The following IFNAR2 variants were observed in gnomAD, a reference collection of about 807,000 sequenced individuals.
IFNAR2 encodes interferon alpha and beta receptor subunit 2.
Under a neutral mutation model 49.4 loss-of-function variants are expected in IFNAR2, and 30 were observed. The observed-to-expected ratio is 0.61, with a 90% confidence interval of 0.45 to 0.82. IFNAR2 has a LOEUF of 0.82. Among genes scored for constraint, IFNAR2 ranks in the 40% least tolerant of loss-of-function variants. IFNAR2 has a pLI of 0.00. For missense variants in IFNAR2, 600 were observed against 622.7 expected, an observed-to-expected ratio of 0.96 and a Z score of 0.39; for synonymous variants, 224 against 234.5, an observed-to-expected ratio of 0.96 and a Z score of 0.41.
chr21:33,255,292 G>A (rs1988131609), intron 7 of IFNAR2, among the ~76,000 whole-genome samples: 1 of 152,130 alleles, frequency 6.6e-6, no homozygotes, highest in Non-Finnish European at 1.5e-5. Flanking sequence ...CCCCAGGTTA[G>A]CACAGACCCC....
intron 1 of IFNAR2, chr21:33,236,997 C>T (rs1986510257): frequency 1.9e-6 from 1 of 531,954 alleles, no homozygotes; most frequent in Non-Finnish European, 2.4e-6. Context: ...ATCTGGTAAT[C>T]AGGCATATGG....
chr21:33,243,599 CAGACTT>C (rs1420147158), intron 2 of IFNAR2, 68 bp from the exon 3 acceptor site: 32 of 1,288,632 alleles, frequency 2.5e-5, no homozygotes, highest in East Asian at 4.6e-5. Flanking sequence ...TAAAGAATGT[CAGACTT>C]AGAGTAATCA....
chr21:33,252,556 G>A, intron 6 of IFNAR2, 106 bp from the exon 7 acceptor site: 2 of 1,473,082 alleles, frequency 1.4e-6, no homozygotes, highest in Non-Finnish European at 1.8e-6. Flanking sequence ...CCAAGCCTGT[G>A]ATAAATCTAA....
At chr21:33,260,457 G>A (rs1988485696) in intron 7 of IFNAR2, 140 bp from the exon 8 acceptor site, 2 of 654,364 alleles carry the variant, frequency 3.1e-6, no homozygotes, top group African/African-American at 1.9e-5. Flanking sequence ...CCAGTCTCTG[G>A]TATTTCTCAA....
chr21:33,242,583 A>C (rs1049301441), intron 2 of IFNAR2, among the ~76,000 whole-genome samples: 6 of 151,104 alleles, frequency 4.0e-5, no homozygotes, highest in African/African-American at 1.5e-4. Context: ...AATACAAAAA[A>C]TTAGGCGGGC....
chr21:33,258,351 C>G (rs1207304185), intron 7 of IFNAR2, among the ~76,000 whole-genome samples: 2 of 152,070 alleles, frequency 1.3e-5, no homozygotes, highest in Non-Finnish European at 2.9e-5. Flanking sequence ...GGAGCTCTCA[C>G]AGCAGCAGCA....
At chr21:33,231,801 G>A in intron 1 of IFNAR2, 1 of 449,936 alleles carries the variant, frequency 2.2e-6, no homozygotes, top group Non-Finnish European at 2.9e-6. Context: ...GAGTGCAGTG[G>A]CACTGTCTTG....
rs757175174 is a variant in IFNAR2, at chr21:33,246,868, C to T, written c.372C>T (p.His124=). The T allele has an allele frequency of 1.2e-6, 2 of 1,613,956 alleles. No individual in the cohort carries two copies. Among genetic ancestry groups the T allele is most frequent in the Non-Finnish European group, 1.7e-6 (2 of 1,179,954 alleles). ...ACACAACGTTGTTCAGTTGCTCACA[C>T]AATTTCTGGCTGGCCATAGACAGTG... ...SGNTTLFSCS[H]NFWLAIDMSF... Residue 124 remains histidine (H), a synonymous_variant, in exon 5 of 9, where the codon CAC becomes CAT. Transcript: ENST00000342136.
chr21:33,253,881 T>G (rs1488013941), intron 7 of IFNAR2, among the ~76,000 whole-genome samples: 2 of 152,136 alleles, frequency 1.3e-5, no homozygotes, highest in African/African-American at 4.8e-5. Context: ...GCCATCTGTT[T>G]TATCAGCAAG....
At chr21:33,234,918 A>G (rs6517152) in intron 1 of IFNAR2, 111,662 of 158,284 alleles carry the variant, frequency 0.71, 39,817 homozygotes, top group African/African-American at 0.82. Context: ...CTGCTCCACT[A>G]AGTATACTTA....
At chr21:33,260,961 G>A (rs972035204) in intron 8 of IFNAR2, among the ~76,000 whole-genome samples, 4 of 150,970 alleles carry the variant, frequency 2.6e-5, no homozygotes, top group African/African-American at 9.8e-5. Flanking sequence ...TGCACAGTGT[G>A]CAGGTTAGTT....
chr21:33,255,113 G>A (rs372458550), intron 7 of IFNAR2, among the ~76,000 whole-genome samples: 2 of 152,280 alleles, frequency 1.3e-5, no homozygotes, highest in South Asian at 2.1e-4. Flanking sequence ...CACCTTTAGC[G>A]TAAGTTATTT....
At chr21:33,255,925 G>A (rs1364539779) in intron 7 of IFNAR2, among the ~76,000 whole-genome samples, 2 of 152,140 alleles carry the variant, frequency 1.3e-5, no homozygotes, top group Non-Finnish European at 2.9e-5. Flanking sequence ...CACTCCTAAC[G>A]TTCAGGAAAT....
Position 33,241,958 on chromosome 21 carries a change from A to G in IFNAR2, c.36A>G (p.Ser12=), listed in dbSNP as rs780623117. The G allele has an allele frequency of 8.1e-6, 13 of 1,612,890 alleles. No homozygotes were observed. In the South Asian group the frequency reaches 1.2e-4, roughly 15 times the overall value. Residue 12 remains serine, a synonymous_variant, in exon 2 of 9, where the codon TCA becomes TCG. Coordinates refer to ENST00000342136, the MANE Select transcript of IFNAR2 (RefSeq NM_001289125.3). ...GCCAGAATGCCTTCATCTTCAGATC[A>G]CTTAATTTGGTTCTCATGGGTAAGT... ...LLSQNAFIFR[S]LNLVLMVYIS...
Position 33,230,057 on chromosome 21 carries a change from C to A in IFNAR2, c.-243C>A. On this transcript the variant is annotated 5_prime_UTR_variant, in exon 1 of 9. Coordinates refer to ENST00000342136, the MANE Select transcript of IFNAR2 (RefSeq NM_001289125.3). This position sits in a 1 kb window ranked among gnomAD's most constrained non-coding sequence, Gnocchi z 5.5. ...TCCCCGAGCGCAGCCCGCGGACCAC[C>A]ACCCGGCCGCACGGGCCGCTTTTGT... is the stretch of plus-strand genomic sequence containing the variant. The A allele has an allele frequency of 2.0e-6, 2 of 986,878 alleles. No homozygotes were observed. The highest frequency in any genetic ancestry group is 1.7e-5 in the African/African-American group (1 of 57,340). 61.1% of individuals were successfully genotyped at this position (986,878 alleles called of 1,614,324 possible). A position where few individuals can be genotyped will look rare whatever the true frequency, so the allele number is the denominator to read the frequency against.
intron 1 of IFNAR2, among the ~76,000 whole-genome samples, chr21:33,237,290 G>A (rs1220301420): frequency 6.6e-6 from 1 of 152,078 alleles, no homozygotes; most frequent in Non-Finnish European, 1.5e-5. Flanking sequence ...CAAGCCCTTT[G>A]TGGGGCTGAG....
Position 33,246,955 on chromosome 21 carries a change from A to G in IFNAR2, c.394+65A>G, listed in dbSNP as rs1014839560. 5.0e-6 allele frequency: 7 copies of G among 1,393,782 alleles called. No homozygotes were observed. The South Asian group carries it at 6.2e-5, about 12-fold the overall frequency. 86.3% of individuals were successfully genotyped at this position (1,393,782 alleles called of 1,614,324 possible). A position where few individuals can be genotyped will look rare whatever the true frequency, so the allele number is the denominator to read the frequency against. On this transcript the variant is annotated intron_variant, in intron 5 of 8. Coordinates refer to ENST00000342136, the MANE Select transcript of IFNAR2 (RefSeq NM_001289125.3). ...CAAGATCTTTATTATTTGCTATTCC[A>G]TGAAATAGGAGGTCTACAAAGGTGT...
chr21:33,254,752 G>T (rs989195799), intron 7 of IFNAR2, among the ~76,000 whole-genome samples: 4 of 152,094 alleles, frequency 2.6e-5, no homozygotes, highest in Non-Finnish European at 5.9e-5. Flanking sequence ...TTTCCAGATT[G>T]AACCAGTGTA....
In IFNAR2 at chr21:33,254,045, A is replaced by G. The variant is rs1400099149; in HGVS notation, c.709+1215A>G. Among the ~76,000 whole-genome samples the G allele has an allele frequency of 2.0e-5, 3 of 152,156 alleles. No individual in the cohort carries two copies. In the East Asian group the frequency reaches 5.8e-4, roughly 29 times the overall value. On this transcript the variant is annotated intron_variant, in intron 7 of 8. Coordinates refer to ENST00000342136, the MANE Select transcript of IFNAR2 (RefSeq NM_001289125.3). ...GCTCAAATGCCTCTGACACCAATGG[A>G]AGTATCTTTAATGTTCTGATTTACC...
Sources: gnomAD v4.1 joint callset for allele counts (sites outside exome capture counted in the v4.1 genomes callset) on GRCh38, gnomAD v4.1.1 for gene constraint, Gnocchi (gnomAD v3.1) non-coding constraint, MANE v1.5 for transcripts, NCBI Gene and HGNC (gene_info 2026-07-23, HGNC 2026-07-21) for gene names.